MPPED2: variants seen among roughly 807,000 people sequenced by gnomAD.
MPPED2 encodes the protein metallophosphoesterase MPPED2.
In MPPED2, 5 loss-of-function variants were observed where a neutral mutation model predicts 33.0. The ratio of observed to expected loss-of-function variants is 0.15; its 90% CI spans 0.08 to 0.32. The LOEUF (loss-of-function observed/expected upper bound fraction) is 0.32, where lower values mean the gene tolerates loss of function less well. Among genes scored for constraint, MPPED2 ranks in the 10% least tolerant of loss-of-function variants. The probability of loss-of-function intolerance (pLI) is 1.00; values close to 1 mark genes in which losing one functional copy is unlikely to be tolerated. For synonymous variants in MPPED2, 136 were observed against 141.9 expected, an observed-to-expected ratio of 0.96 and a Z score of 0.29; for missense variants, 275 against 372.1, an observed-to-expected ratio of 0.74 and a Z score of 2.15.
At chr11:30,414,430 G>A in intron 5 of MPPED2, 89 bp from the exon 6 acceptor site, 1 of 828,856 alleles carries the variant, frequency 1.2e-6, no homozygotes, top group Admixed American at 1.9e-5. Context: ...CTCACAGAAG[G>A]TTTATTACAT....
chr11:30,393,409 A>T (rs1481546833), intron 6 of MPPED2, among the ~76,000 whole-genome samples: 1 of 152,166 alleles, frequency 6.6e-6, no homozygotes, highest in Non-Finnish European at 1.5e-5. Flanking sequence ...CCAGAGTTCC[A>T]TCTTGGCCTT....
chr11:30,570,290 T>C (rs1956634835), intron 2 of MPPED2, among the ~76,000 whole-genome samples: 1 of 152,038 alleles, frequency 6.6e-6, no homozygotes, highest in Non-Finnish European at 1.5e-5. Flanking sequence ...CTCTGGGGCC[T>C]CTTTTATAAG....
At chr11:30,530,316 C>T (rs1283522751) in intron 3 of MPPED2, among the ~76,000 whole-genome samples, 4 of 152,154 alleles carry the variant, frequency 2.6e-5, no homozygotes, top group Admixed American at 6.6e-5. Flanking sequence ...CATCTTGTAC[C>T]TTTATGTTCA....
intron 4 of MPPED2, among the ~76,000 whole-genome samples, chr11:30,433,336 T>C (rs1949168583): frequency 6.6e-6 from 1 of 152,216 alleles, no homozygotes; most frequent in African/African-American, 2.4e-5. Context: ...TTGGACCCCC[T>C]ATAAATTCTG....
chr11:30,422,164 G>T (rs1044703905), intron 4 of MPPED2, among the ~76,000 whole-genome samples: 1 of 152,198 alleles, frequency 6.6e-6, no homozygotes, highest in African/African-American at 2.4e-5. Context: ...TGGATTTCAA[G>T]ATTGCTTTTA....
At chr11:30,540,575 C>T (rs191557048) in intron 2 of MPPED2, among the ~76,000 whole-genome samples, 1 of 152,134 alleles carries the variant, frequency 6.6e-6, no homozygotes, top group Non-Finnish European at 1.5e-5. Context: ...GTAGTAGTAT[C>T]ATTTAACTTC....
At chr11:30,433,117 G>T (rs1949156755) in intron 4 of MPPED2, among the ~76,000 whole-genome samples, 1 of 152,106 alleles carries the variant, frequency 6.6e-6, no homozygotes, top group East Asian at 1.9e-4. Flanking sequence ...AACTTTTAAG[G>T]GTAGTGTTTC....
chr11:30,508,405 A>G (rs1279839383), intron 3 of MPPED2, among the ~76,000 whole-genome samples: 1 of 152,082 alleles, frequency 6.6e-6, no homozygotes, highest in East Asian at 1.9e-4. Flanking sequence ...ATATGCATAC[A>G]CTCTGTCAAA....
chr11:30,414,220 G>A lies in MPPED2; in HGVS notation c.766+8C>T. On this transcript the variant is annotated splice_region_variant and intron_variant, in intron 6 of 6. Coordinates refer to ENST00000358117, the MANE Select transcript of MPPED2 (RefSeq NM_001584.3). ...AAAATGTTTTGAATTCTTTTCCGCT[G>A]TTCTTACCTTCATGGATTCCACCAA... The A allele has an allele frequency of 1.9e-6, 3 of 1,597,944 alleles. No homozygotes were observed. The highest frequency in any genetic ancestry group is 2.6e-6 in the Non-Finnish European group (3 of 1,165,366).
intron 2 of MPPED2, among the ~76,000 whole-genome samples, chr11:30,537,441 C>T (rs942384706): frequency 2.6e-5 from 4 of 152,210 alleles, no homozygotes; most frequent in African/African-American, 2.4e-5. Flanking sequence ...ACAAGACTCC[C>T]TAAACATATT....
chr11:30,410,736 G>C lies in MPPED2; in HGVS notation c.*732C>G. ...TATATATATAAACCCATATTGAAAA[G>C]GAGTCTGCATGTTCATTTTTTTAAC... On this transcript the variant is annotated 3_prime_UTR_variant, in exon 7 of 7. Coordinates refer to ENST00000358117, the MANE Select transcript of MPPED2 (RefSeq NM_001584.3). 1 of 984,046 alleles carries C rather than the reference G, an allele frequency of 1.0e-6. No homozygotes were observed. The highest frequency in any genetic ancestry group is 1.2e-6 in the Non-Finnish European group (1 of 828,346). The allele number at this position is 984,046 out of a possible 1,614,324, so 61.0% of individuals were successfully genotyped here. A position where few individuals can be genotyped will look rare whatever the true frequency, so the allele number is the denominator to read the frequency against.
At chr11:30,399,989 T>C (rs1947888279) in intron 6 of MPPED2, among the ~76,000 whole-genome samples, 1 of 152,176 alleles carries the variant, frequency 6.6e-6, no homozygotes, top group African/African-American at 2.4e-5. Context: ...TAGAGATAAG[T>C]ATTTGTGGAG....
chr11:30,522,740 C>T (rs944869833), intron 3 of MPPED2, among the ~76,000 whole-genome samples: 14 of 152,082 alleles, frequency 9.2e-5, no homozygotes, highest in South Asian at 4.1e-4. Context: ...ATAATTATGT[C>T]GTCTTCCCTT....
intron 1 of MPPED2, among the ~76,000 whole-genome samples, chr11:30,582,451 C>T (rs1957211696): frequency 6.6e-6 from 1 of 152,108 alleles, no homozygotes; most frequent in African/African-American, 2.4e-5. Flanking sequence ...GTGTGAAATA[C>T]TGAACATTAA....
chr11:30,504,707 G>GC, intron 3 of MPPED2: 1 of 1,144,080 alleles, frequency 8.7e-7, no homozygotes, highest in Non-Finnish European at 1.2e-6. Flanking sequence ...ATTTTCACAA[G>GC]TCCTGACAGC....
chr11:30,552,393 T>C lies in MPPED2; in HGVS notation c.129-16218A>G, dbSNP rs145329458. On this transcript the variant is annotated intron_variant, in intron 2 of 6. Transcript: ENST00000358117. The stretch of plus-strand genomic sequence containing the variant: ...ATATGCTTACTAAAGTTAGGGATAA[T>C]TAACGTTAGTAAAATTAAGAATATG... Among the ~76,000 whole-genome samples, 669 of 152,302 alleles carry C rather than the reference T, an allele frequency of 4.4e-3. 3 individuals are homozygous for C. The highest frequency in any genetic ancestry group is 0.021 in the Middle Eastern group (6 of 290).
intron 2 of MPPED2, among the ~76,000 whole-genome samples, chr11:30,576,893 C>A (rs201852809): frequency 1.3e-5 from 2 of 150,272 alleles, no homozygotes; most frequent in African/African-American, 5.0e-5. Context: ...AAAAAAAAAA[C>A]TTCCCTCCAT....
chr11:30,489,853 G>A (rs1246641339), intron 4 of MPPED2, among the ~76,000 whole-genome samples: 2 of 152,068 alleles, frequency 1.3e-5, no homozygotes, highest in African/African-American at 2.4e-5. Context: ...TGCTCCAGTC[G>A]GTGCAATATA....
At chr11:30,577,454 G>A (rs552892253) in intron 2 of MPPED2, among the ~76,000 whole-genome samples, 22 of 152,260 alleles carry the variant, frequency 1.4e-4, no homozygotes, top group Non-Finnish European at 2.1e-4. Context: ...GAGCAACTAC[G>A]CAAGTGGAAA....
Sources: gnomAD v4.1 joint callset for allele counts (sites outside exome capture counted in the v4.1 genomes callset) on GRCh38, gnomAD v4.1.1 for gene constraint, MANE v1.5 for transcripts, NCBI Gene and HGNC (gene_info 2026-07-23, HGNC 2026-07-21) for gene names.